The following NPIPB11 variants were observed in gnomAD, a reference collection of about 807,000 sequenced individuals.
NPIPB11 encodes nuclear pore complex-interacting protein family member B11.
A neutral mutation model predicts 32.8 loss-of-function variants in NPIPB11; 17 were observed. That is an observed-to-expected ratio of 0.52 (90% CI 0.35 to 0.78). NPIPB11 has a LOEUF of 0.78. Ranked by LOEUF, NPIPB11 falls within the 30% of genes least tolerant of loss-of-function variation. NPIPB11 has a pLI of 0.01. For synonymous variants in NPIPB11, 209 were observed against 398.4 expected (o/e 0.52, Z 5.66); for missense variants, 537 against 1,000.4 (o/e 0.54, Z 6.25).
At chr16:29,404,784 G>C (rs966785478), upstream of NPIPB11, among the ~76,000 whole-genome samples, 2 of 146,784 alleles carry the variant, frequency 1.4e-5, no homozygotes, top group African/African-American at 5.1e-5. Flanking sequence ...GTGGTCACCT[G>C]TGCCAGCCCT....
intron 5 of NPIPB11, among the ~76,000 whole-genome samples, chr16:29,387,192 TC>T (rs1331757580): frequency 2.6e-5 from 1 of 38,444 alleles, no homozygotes; most frequent in Non-Finnish European, 6.1e-5. Flanking sequence ...ACCTGTCATT[TC>T]CAGCTCATCT....
At chr16:29,383,145 A>T (rs769032097) in exon 8 of NPIPB11, 1 of 1,593,258 alleles carries the variant, frequency 6.3e-7, no homozygotes, top group Non-Finnish European at 8.5e-7. Context: ...TGAGATTATC[A>T]TCCGCTGAGG....
chr16:29,399,921 A>G (rs1223228045), intron 2 of NPIPB11, among the ~76,000 whole-genome samples: 1 of 151,528 alleles, frequency 6.6e-6, no homozygotes, highest in East Asian at 2.0e-4. Flanking sequence ...TACTAAAAAT[A>G]CAAAAATTAG....
intron 2 of NPIPB11, among the ~76,000 whole-genome samples, chr16:29,402,698 GTCTCTCTCTCTCTC>G (rs762980727): frequency 2.7e-4 from 32 of 118,916 alleles, no homozygotes; most frequent in Admixed American, 9.3e-4. Context: ...GTGAAACTCT[GTCTCTCTCTCTCTC>G]TCTCTCTCTC....
chr16:29,391,442 C>T (rs1199853725), intron 3 of NPIPB11, among the ~76,000 whole-genome samples: 38 of 146,732 alleles, frequency 2.6e-4, no homozygotes, highest in Middle Eastern at 3.5e-3. Context: ...TAACATTTCA[C>T]CCCCTGCTCC....
At chr16:29,383,283 G>A in exon 8 of NPIPB11, 1 of 1,563,914 alleles carries the variant, frequency 6.4e-7, no homozygotes, top group Non-Finnish European at 8.7e-7. Context: ...CGCTGAGGGT[G>A]GAAGCGGCCC....
At chr16:29,383,474 G>A in exon 8 of NPIPB11, 1 of 1,077,030 alleles carries the variant, frequency 9.3e-7, no homozygotes, top group Non-Finnish European at 1.2e-6. Context: ...GTGGAGCTGA[G>A]GGTGGAAGGG....
chr16:29,382,241 G>C (rs761384543), exon 8 of NPIPB11: 41 of 1,595,562 alleles, frequency 2.6e-5, no homozygotes. Flanking sequence ...AAGGTGTCTT[G>C]AGATTATCAT....
intron 2 of NPIPB11, among the ~76,000 whole-genome samples, chr16:29,396,536 CG>C (rs1244844531): frequency 6.7e-6 from 1 of 149,650 alleles, no homozygotes; most frequent in East Asian, 1.9e-4. Flanking sequence ...CCGAGGCGGG[CG>C]GATCACCTGA....
At chr16:29,395,791 A>C (rs1013046581) in intron 2 of NPIPB11, among the ~76,000 whole-genome samples, 7 of 149,776 alleles carry the variant, frequency 4.7e-5, no homozygotes, top group African/African-American at 9.7e-5. Flanking sequence ...CATCCTAGCT[A>C]ACACGGTGAA....
At chr16:29,389,668 GAAAAAAAAAAAAAA>G (rs1160526743) in intron 5 of NPIPB11, among the ~76,000 whole-genome samples, 33 of 17,270 alleles carry the variant, frequency 1.9e-3, no homozygotes, top group Non-Finnish European at 3.0e-3. Context: ...TCCATCTCAG[GAAAAAAAAAAAAAA>G]AAAAAAAAAA....
intron 2 of NPIPB11, among the ~76,000 whole-genome samples, chr16:29,402,116 C>T (rs1964006075): frequency 2.0e-5 from 3 of 150,154 alleles, no homozygotes; most frequent in Middle Eastern, 3.4e-3. Context: ...AGTTTCAACT[C>T]TGTAAAATGA....
exon 8 of NPIPB11, chr16:29,382,318 T>C (rs1555473030): frequency 1.3e-6 from 2 of 1,572,128 alleles, no homozygotes; most frequent in South Asian, 2.2e-5. Flanking sequence ...CTTGATATTA[T>C]CATCTGCTGA....
chr16:29,399,982 C>A (rs1468496742), intron 2 of NPIPB11, among the ~76,000 whole-genome samples: 3 of 151,800 alleles, frequency 2.0e-5, no homozygotes, highest in Non-Finnish European at 4.4e-5. Flanking sequence ...GAGACTGAGG[C>A]AGGACAATCC....
At chr16:29,391,281 A>T (rs1360799461) in intron 3 of NPIPB11, among the ~76,000 whole-genome samples, 2 of 148,082 alleles carry the variant, frequency 1.4e-5, no homozygotes, top group Admixed American at 1.4e-4. Flanking sequence ...AAAAAAAAAA[A>T]ATGACATGAA....
chr16:29,401,330 G>T (rs1415584199), intron 2 of NPIPB11, among the ~76,000 whole-genome samples: 1 of 152,082 alleles, frequency 6.6e-6, no homozygotes, highest in Non-Finnish European at 1.5e-5. Context: ...ACTATCATCT[G>T]GGGTAACTGA....
At chr16:29,406,149 C>T (rs1403289608), upstream of NPIPB11, among the ~76,000 whole-genome samples, 2 of 152,248 alleles carry the variant, frequency 1.3e-5, no homozygotes, top group Non-Finnish European at 2.9e-5. Context: ...TCAGCTGCAT[C>T]CCTTGGGGAG....
chr16:29,402,974 T>C (rs1226059870), intron 2 of NPIPB11, among the ~76,000 whole-genome samples: 1 of 150,316 alleles, frequency 6.7e-6, no homozygotes, highest in African/African-American at 2.5e-5. Context: ...TTATTCAAAA[T>C]TATAGAACAT....
rs1295630818 is a variant in NPIPB11 at position 29,397,913 on chromosome 16, T to C, written c.121-3837A>G. Among the ~76,000 whole-genome samples the C allele has an allele frequency of 3.5e-5, 3 of 84,522 alleles. 1 individual carries two copies. The highest frequency in any genetic ancestry group is 6.9e-5 in the African/African-American group (1 of 14,524). The allele number at this position is 84,522 out of a possible 152,430, so 55.4% of individuals were successfully genotyped here. A position where few individuals can be genotyped will look rare whatever the true frequency, so the allele number is the denominator to read the frequency against. ...TAAGTTCTCAAGCGCTGGTGGAAGG[T>C]TTAGCTACAGGTCACGGAGAAGATC... On this transcript the variant is annotated intron_variant, in intron 2 of 7. Coordinates refer to ENST00000524087, the Ensembl canonical transcript of NPIPB11.
Sources: gnomAD v4.1 joint callset for allele counts (sites outside exome capture counted in the v4.1 genomes callset) on GRCh38, gnomAD v4.1.1 for gene constraint, MANE v1.5 for transcripts, NCBI Gene and HGNC (gene_info 2026-07-23, HGNC 2026-07-21) for gene names.